TNFRSF14: variants seen among roughly 807,000 people sequenced by gnomAD.
The protein encoded by TNFRSF14 is TNF receptor superfamily member 14.
A neutral mutation model predicts 34.1 loss-of-function variants in TNFRSF14; 18 were observed. That is an observed-to-expected ratio of 0.53 (90% CI 0.36 to 0.78). The LOEUF is 0.78. TNFRSF14 is among the 30% of genes least tolerant of loss of function. The pLI is 0.00. For synonymous variants in TNFRSF14, 157 were observed against 153.2 expected, an observed-to-expected ratio of 1.02 and a Z score of -0.18; for missense variants, 352 against 379.5, an observed-to-expected ratio of 0.93 and a Z score of 0.60.
chr1:2,556,266 G>A (rs1472570213), upstream of TNFRSF14: 1 of 532,724 alleles, frequency 1.9e-6, no homozygotes, highest in Non-Finnish European at 3.6e-6. Context: ...AGTGAGGTGG[G>A]GAAACACAGA....
chr1:2,556,584 G>A lies in TNFRSF14; in HGVS notation c.-81G>A, dbSNP rs767571695. On this transcript the variant is annotated 5_prime_UTR_variant, in exon 1 of 8. Transcript: ENST00000355716. ...CTTTCTCTTTCTCTTCTGGCCCACA[G>A]CCGCAGCAATGGCGCTGAGTTCCTC... 2 of 1,360,504 alleles carry A rather than the reference G, an allele frequency of 1.5e-6. No homozygotes were observed. Among genetic ancestry groups the A allele is most frequent in the South Asian group, 2.5e-5 (2 of 81,406 alleles). 84.3% of individuals were successfully genotyped at this position (1,360,504 alleles called of 1,614,324 possible).
At chr1:2,558,098 G>A (rs967914869) in intron 2 of TNFRSF14, among the ~76,000 whole-genome samples, 1 of 152,212 alleles carries the variant, frequency 6.6e-6, no homozygotes, top group Non-Finnish European at 1.5e-5. Flanking sequence ...ATGGGCTCGG[G>A]GGCACATACC....
At chr1:2,560,759 G>T (rs1419681887) in intron 5 of TNFRSF14, 45 bp downstream of exon 5, 1 of 1,574,198 alleles carries the variant, frequency 6.4e-7, no homozygotes, top group African/African-American at 1.4e-5. Context: ...CTGGGGAGGG[G>T]GCTCCACGTT....
rs1644295386 is a variant in TNFRSF14 at position 2,560,672 on chromosome 1, T to A, written c.509T>A (p.Phe170Tyr). 1 of 1,612,832 alleles carries A rather than the reference T, an allele frequency of 6.2e-7. No homozygotes were observed. The change falls in exon 5 of 8, where the codon TTC (phenylalanine) becomes TAC (tyrosine). Residue 170 changes from phenylalanine (F) to tyrosine (Y), a missense_variant. Physicochemically the swap from Phe to Tyr is conservative, Grantham distance 22 (BLOSUM62 3). Transcript: ENST00000355716. ...TLCQNCPPGT[F>Y]SPNGTLEECQ... ...TGTCAGAACTGCCCCCCGGGGACCTTCTCTCCCAATGGGACCCTGGAGGAA... is the reference window on the plus strand; with the variant it reads ...TGTCAGAACTGCCCCCCGGGGACCTACTCTCCCAATGGGACCCTGGAGGAA...
At chr1:2,558,919 C>CT (rs1557476799) in intron 3 of TNFRSF14, 1 of 1,363,416 alleles carries the variant, frequency 7.3e-7, no homozygotes, top group East Asian at 3.5e-5. Flanking sequence ...AAGAGGTCAC[C>CT]TGGAGGCTGG....
At chr1:2,555,383 T>A (rs1448686469), upstream of TNFRSF14, 2 of 152,176 alleles carry the variant, frequency 1.3e-5, no homozygotes, top group African/African-American at 4.8e-5. The surrounding 1 kb of genome is among the most constrained non-coding windows in gnomAD (Gnocchi z 6.3). Flanking sequence ...TGCCACAGAT[T>A]CCTGTGGCTG....
In TNFRSF14 at chr1:2,561,172, C is replaced by G. The variant is rs1392745576; in HGVS notation, c.551+458C>G. 2.7e-6 allele frequency: 1 copy of G among 367,892 alleles called. No individual in the cohort carries two copies. Among genetic ancestry groups the G allele is most frequent in the South Asian group, 7.3e-5 (1 of 13,620 alleles). 22.8% of individuals were successfully genotyped at this position (367,892 alleles called of 1,614,324 possible). On this transcript the variant is annotated intron_variant, in intron 5 of 7. Transcript: ENST00000355716. The surrounding 1 kb of genome is among the most constrained non-coding windows in gnomAD (Gnocchi z 6.0). Reference sequence around the variant, plus strand: ...AGACTTCAGAGCTTCTTGGGAGGAGCTGGGGTCCCCCAGCGGAGCCTGGGA... The same window carrying G: ...AGACTTCAGAGCTTCTTGGGAGGAGGTGGGGTCCCCCAGCGGAGCCTGGGA...
At position 2,556,397 on chromosome 1, in the gene TNFRSF14, C is replaced by T. The variant is rs1041952560; in HGVS notation, c.-268C>T. ...TACCGGCCCTTCCCCTCGGCTTTGC[C>T]TGGACAGCTCCTGCCTCCCGCAGGG... On this transcript the variant is annotated 5_prime_UTR_variant, in exon 1 of 8. Transcript: ENST00000355716. 4 of 680,426 alleles carry T rather than the reference C, an allele frequency of 5.9e-6. No individual in the cohort carries two copies. The highest frequency in any genetic ancestry group is 1.1e-5 in the Non-Finnish European group (4 of 371,230). 42.1% of individuals were successfully genotyped at this position (680,426 alleles called of 1,614,324 possible).
At chr1:2,559,074 C>A (rs11573976) in intron 3 of TNFRSF14, 4 of 1,368,992 alleles carry the variant, frequency 2.9e-6, no homozygotes, top group Middle Eastern at 3.9e-4. Context: ...GTGCTCCCTG[C>A]GGCCAGGCAG....
rs1644338935 is a variant in TNFRSF14, at chr1:2,563,319, C to T, written c.*46C>T. 1.2e-6 allele frequency: 2 copies of T among 1,603,776 alleles called. No individual in the cohort carries two copies. Among genetic ancestry groups the T allele is most frequent in the Non-Finnish European group, 1.7e-6 (2 of 1,173,082 alleles). On this transcript the variant is annotated 3_prime_UTR_variant, in exon 8 of 8. Transcript: ENST00000355716. ...ACGCCAGAGATACCTGGAGCGACGGCTGCTGAAAGAGGCTGTCCACCTGGC... is the reference window on the plus strand; with the variant it reads ...ACGCCAGAGATACCTGGAGCGACGGTTGCTGAAAGAGGCTGTCCACCTGGC...
In TNFRSF14 at chr1:2,556,376, G is replaced by A. The variant is rs896625117; in HGVS notation, c.-289G>A. On this transcript the variant is annotated 5_prime_UTR_variant, in exon 1 of 8. Transcript: ENST00000355716. ...TCCCATCGGGCGCCTCCTTCATACC[G>A]GCCCTTCCCCTCGGCTTTGCCTGGA... 7 of 662,216 alleles carry A rather than the reference G, an allele frequency of 1.1e-5. No individual in the cohort carries two copies. The highest frequency in any genetic ancestry group is 6.2e-5 in the Admixed American group (3 of 48,504). The allele number at this position is 662,216 out of a possible 1,614,324, so 41.0% of individuals were successfully genotyped here. A position where few individuals can be genotyped will look rare whatever the true frequency, so the allele number is the denominator to read the frequency against.
intron 3 of TNFRSF14, chr1:2,559,398 C>G (rs1644269924): frequency 7.2e-6 from 10 of 1,382,486 alleles, no homozygotes; most frequent in Non-Finnish European, 9.5e-6. Flanking sequence ...AAGTGGGGCT[C>G]TCACCCTACC....
chr1:2,555,955 G>A (rs1219679660), upstream of TNFRSF14: 1 of 196,926 alleles, frequency 5.1e-6, no homozygotes, highest in Non-Finnish European at 1.1e-5. The surrounding 1 kb of genome is among the most constrained non-coding windows in gnomAD (Gnocchi z 6.3). Context: ...GACCGGGCGA[G>A]GCTGGCAGCC....
At chr1:2,560,947 C>G (rs545252856) in intron 5 of TNFRSF14, 1 of 522,712 alleles carries the variant, frequency 1.9e-6, no homozygotes, top group African/African-American at 1.9e-5. Flanking sequence ...CCTGGAGGCT[C>G]AGGATGGGCC....
chr1:2,560,788 C>A, intron 5 of TNFRSF14, 74 bp downstream of exon 5: 2 of 1,388,434 alleles, frequency 1.4e-6, no homozygotes, highest in Non-Finnish European at 2.0e-6. Flanking sequence ...GGGAGATGAC[C>A]GTCTTCTCCA....
Position 2,561,886 on chromosome 1 carries a change from C to T in TNFRSF14, c.694+71C>T, listed in dbSNP as rs774427154. ...CCTCTTGGAGCTCTGTCACCCCAAG[C>T]CTGGGAGGTGGCCCCAGAGCTTTTC... On this transcript the variant is annotated intron_variant, in intron 6 of 7. Coordinates refer to ENST00000355716, the MANE Select transcript of TNFRSF14 (RefSeq NM_003820.4). The surrounding 1 kb of genome is among the most constrained non-coding windows in gnomAD (Gnocchi z 6.0). The T allele has an allele frequency of 2.0e-6, 3 of 1,508,004 alleles. No homozygotes were observed. The highest frequency in any genetic ancestry group is 2.7e-6 in the Non-Finnish European group (3 of 1,107,824). The allele number at this position is 1,508,004 out of a possible 1,614,324, so 93.4% of individuals were successfully genotyped here.
In TNFRSF14 at chr1:2,557,854, G is replaced by C. The variant is rs758396698; in HGVS notation, c.178+20G>C. On this transcript the variant is annotated intron_variant, in intron 2 of 7. Coordinates refer to ENST00000355716, the MANE Select transcript of TNFRSF14 (RefSeq NM_003820.4). Reference sequence around the variant, plus strand: ...GTCCAGGTAGGTGCAGCCCTTTGGCGGGCCAGCTCTGTGGGCCGAGGGCAG... The same window carrying C: ...GTCCAGGTAGGTGCAGCCCTTTGGCCGGCCAGCTCTGTGGGCCGAGGGCAG... 6.3e-7 allele frequency: 1 copy of C among 1,579,726 alleles called. No homozygotes were observed. The highest frequency in any genetic ancestry group is 1.7e-5 in the Admixed American group (1 of 58,178).
chr1:2,554,463 G>T (rs572156108), upstream of TNFRSF14, among the ~76,000 whole-genome samples: 2 of 152,326 alleles, frequency 1.3e-5, no homozygotes, highest in South Asian at 4.1e-4. The surrounding 1 kb of genome is among the most constrained non-coding windows in gnomAD (Gnocchi z 4.2). Context: ...AGGGACGGAG[G>T]GCCGAGGCGG....
rs1644337541 is a variant in TNFRSF14, at chr1:2,563,262, C to T, written c.841C>T (p.Pro281Ser). 1 of 1,613,482 alleles carries T rather than the reference C, an allele frequency of 6.2e-7. No homozygotes were observed. The highest frequency in any genetic ancestry group is 1.7e-5 in the Admixed American group (1 of 60,024). The change falls in exon 8 of 8, where the codon CCA (proline) becomes TCA (serine). Residue 281 changes from proline to serine, a missense_variant. Pro to Ser is a moderately conservative substitution (Grantham distance 74). Coordinates refer to ENST00000355716, the MANE Select transcript of TNFRSF14 (RefSeq NM_003820.4). The stretch of plus-strand genomic sequence containing the variant: ...AATACCCTCATTCACGGGGAGGAGC[C>T]CAAACCACTGACCCACAGACTCTGC... ...ETIPSFTGRS[P>S]NH
Sources: allele counts gnomAD v4.1 joint callset (sites outside exome capture counted in the v4.1 genomes callset), GRCh38; gene constraint gnomAD v4.1.1; non-coding constraint Gnocchi (gnomAD v3.1); transcripts MANE v1.5; gene names NCBI Gene and HGNC (gene_info 2026-07-23, HGNC 2026-07-21).